The following NCOR1 variants were observed in gnomAD, a reference collection of about 807,000 sequenced individuals.
The protein encoded by NCOR1 is protein phosphatase 1, regulatory subunit 109.
Under a neutral mutation model 288.1 loss-of-function variants are expected in NCOR1, and 63 were observed. That is an observed-to-expected ratio of 0.22 (90% CI 0.18 to 0.27). The LOEUF (loss-of-function observed/expected upper bound fraction) is 0.27, where lower values mean the gene tolerates loss of function less well. Among genes scored for constraint, NCOR1 ranks in the 10% least tolerant of loss-of-function variants. The pLI, the probability that NCOR1 is intolerant of heterozygous loss-of-function variation, is 1.00. For missense variants in NCOR1, 2,397 were observed against 3,019.2 expected, an observed-to-expected ratio of 0.79 and a Z score of 4.83; for synonymous variants, 1,007 against 1,065.9, an observed-to-expected ratio of 0.94 and a Z score of 1.08.
chr17:16,086,735 T>C (rs1248803715), intron 22 of NCOR1, among the ~76,000 whole-genome samples: 2 of 152,224 alleles, frequency 1.3e-5, no homozygotes, highest in African/African-American at 4.8e-5. Context: ...CAAAAATTTT[T>C]TCTCTCTCGC....
chr17:16,124,019 G>A (rs1301122352), intron 15 of NCOR1, among the ~76,000 whole-genome samples: 1 of 152,196 alleles, frequency 6.6e-6, no homozygotes, highest in Non-Finnish European at 1.5e-5. Context: ...AGAGTTCCAT[G>A]TGAGAAGAAC....
At position 16,121,321 on chromosome 17, in the gene NCOR1, C is replaced by A. The variant is rs544910500; in HGVS notation, c.1635-52G>T. 7.0e-6 allele frequency: 10 copies of A among 1,430,854 alleles called. No individual in the cohort carries two copies. The South Asian group carries it at 9.7e-5, about 14-fold the overall frequency. The allele number at this position is 1,430,854 out of a possible 1,614,324, so 88.6% of individuals were successfully genotyped here. On this transcript the variant is annotated intron_variant, in intron 15 of 45. Coordinates refer to ENST00000268712, the MANE Select transcript of NCOR1 (RefSeq NM_006311.4). ...GTGTGATTCCAAAGTATACATACAT[C>A]GAAGAAGGTTTTAGTTTTGAATATT...
chr17:16,052,901 C>A (rs1257418667), intron 40 of NCOR1, among the ~76,000 whole-genome samples: 1 of 152,192 alleles, frequency 6.6e-6, no homozygotes, highest in Non-Finnish European at 1.5e-5. Context: ...TTATCCACCA[C>A]AATCAAGTAG....
At chr17:16,053,084 C>T (rs962623591) in intron 40 of NCOR1, among the ~76,000 whole-genome samples, 2 of 152,206 alleles carry the variant, frequency 1.3e-5, no homozygotes, top group African/African-American at 2.4e-5. Context: ...CCACAGCCAA[C>T]ATCATACTGA....
At chr17:16,047,159 T>A (rs557610239) in intron 41 of NCOR1, 66 bp from the exon 42 acceptor site, 1 of 1,484,564 alleles carries the variant, frequency 6.7e-7, no homozygotes, top group Non-Finnish European at 9.1e-7. Context: ...TTCCTATCAA[T>A]GATAACAACA....
chr17:16,111,470 T>TG (rs2070153828), intron 18 of NCOR1, among the ~76,000 whole-genome samples: 1 of 151,896 alleles, frequency 6.6e-6, no homozygotes, highest in Non-Finnish European at 1.5e-5. Flanking sequence ...GGCATGGTGG[T>TG]GTGTGCCTGT....
At chr17:16,206,208 G>C (rs1188448778) in intron 1 of NCOR1, among the ~76,000 whole-genome samples, 1 of 151,502 alleles carries the variant, frequency 6.6e-6, no homozygotes, top group African/African-American at 2.4e-5. Context: ...TTTTGATTCA[G>C]CAACTCCACT....
chr17:16,129,118 C>T (rs1020357337), intron 14 of NCOR1, among the ~76,000 whole-genome samples: 4 of 152,128 alleles, frequency 2.6e-5, no homozygotes, highest in Non-Finnish European at 5.9e-5. Flanking sequence ...TTCTAACACT[C>T]GCCACTCAAT....
intron 23 of NCOR1, 105 bp downstream of exon 23, chr17:16,086,177 G>T: frequency 1.6e-6 from 2 of 1,226,420 alleles, no homozygotes; most frequent in Non-Finnish European, 2.3e-6. Context: ...TATTCAGACA[G>T]ATTATTATTT....
intron 1 of NCOR1, among the ~76,000 whole-genome samples, chr17:16,202,078 G>A (rs1235809228): frequency 6.6e-6 from 1 of 152,088 alleles, no homozygotes; most frequent in Admixed American, 6.6e-5. Context: ...ACAAAAATTA[G>A]CGGGGCGTAG....
In NCOR1 at chr17:16,093,520, TA is replaced by T. The variant is rs142850065; in HGVS notation, c.2821-1463del. Among the ~76,000 whole-genome samples the T allele has an allele frequency of 6.5e-3, 993 of 152,302 alleles. 14 individuals are homozygous for T. Among genetic ancestry groups the T allele is most frequent in the African/African-American group, 0.023 (958 of 41,564 alleles). On this transcript the variant is annotated intron_variant, in intron 21 of 45. Transcript: ENST00000268712. The stretch of plus-strand genomic sequence containing the variant: ...AACCCAAGATGTTTTGTCCAATACT[TA>T]AAAAAATAGCCCAGAACACAGTCCA...
intron 14 of NCOR1, among the ~76,000 whole-genome samples, chr17:16,133,045 T>C (rs1350274868): frequency 2.6e-5 from 4 of 152,122 alleles, no homozygotes; most frequent in African/African-American, 9.7e-5. Flanking sequence ...CTAGGCTCGC[T>C]GCAACCTCTG....
At chr17:16,073,393 A>G (rs777064664) in intron 28 of NCOR1, 36 bp downstream of exon 28, 6 of 1,519,498 alleles carry the variant, frequency 3.9e-6, no homozygotes, top group Non-Finnish European at 8.8e-7. Context: ...ATAAAATAAC[A>G]TGTATCAAAA....
chr17:16,055,534 G>A (rs749055655), intron 40 of NCOR1, among the ~76,000 whole-genome samples: 79 of 152,172 alleles, frequency 5.2e-4, no homozygotes, highest in Non-Finnish European at 6.8e-4. Flanking sequence ...GAGGATGGAG[G>A]GTGGGAGGAG....
At chr17:16,056,384 G>A (rs2059930539) in intron 40 of NCOR1, among the ~76,000 whole-genome samples, 1 of 148,500 alleles carries the variant, frequency 6.7e-6, no homozygotes, top group Admixed American at 6.8e-5. Flanking sequence ...ATGATCTCGG[G>A]TTCAAGTGAT....
intron 2 of NCOR1, among the ~76,000 whole-genome samples, chr17:16,192,443 G>A (rs2088644462): frequency 6.6e-6 from 1 of 152,200 alleles, no homozygotes; most frequent in African/African-American, 2.4e-5. Context: ...ATCACCTGAG[G>A]TCAGGAGTTC....
intron 18 of NCOR1, among the ~76,000 whole-genome samples, chr17:16,117,014 A>G (rs1409488300): frequency 2.6e-5 from 4 of 152,250 alleles, no homozygotes; most frequent in Non-Finnish European, 5.9e-5. Flanking sequence ...TATTTTTATG[A>G]AAACAGTCTT....
intron 3 of NCOR1, among the ~76,000 whole-genome samples, chr17:16,175,686 G>C (rs981843355): frequency 1.4e-4 from 21 of 151,974 alleles, no homozygotes; most frequent in Admixed American, 8.5e-4. Context: ...CTGGGAGTTT[G>C]AGACCAGTCC....
intron 27 of NCOR1, 56 bp downstream of exon 27, chr17:16,075,478 C>T: frequency 6.4e-7 from 1 of 1,567,442 alleles, no homozygotes; most frequent in Non-Finnish European, 8.7e-7. Context: ...AAACCCAAGC[C>T]TATGTTTTTA....
Sources: gnomAD v4.1 joint callset for allele counts (sites outside exome capture counted in the v4.1 genomes callset) on GRCh38, gnomAD v4.1.1 for gene constraint, MANE v1.5 for transcripts, NCBI Gene and HGNC (gene_info 2026-07-23, HGNC 2026-07-21) for gene names.